STARD13: variants seen among roughly 807,000 people sequenced by gnomAD.
STARD13 encodes the protein StAR related lipid transfer domain containing 13.
STARD13 carries 62 observed loss-of-function variants against 106.4 expected under a neutral mutation model. That is an observed-to-expected ratio of 0.58 (90% CI 0.48 to 0.72). STARD13 has a LOEUF of 0.72. Ranked by LOEUF, STARD13 falls within the 30% of genes least tolerant of loss-of-function variation. The probability of loss-of-function intolerance (pLI) is 0.00; values close to 1 mark genes in which losing one functional copy is unlikely to be tolerated. For synonymous variants in STARD13, 565 were observed against 553.0 expected (o/e 1.02, Z -0.31); for missense variants, 1,387 against 1,424.0 (o/e 0.97, Z 0.42).
chr13:33,666,759 T>G, the STARD13 span, among the ~76,000 whole-genome samples: 3 of 151,958 alleles, frequency 2.0e-5, no homozygotes, highest in Non-Finnish European at 4.4e-5. Context: ...CCCGGCTAAT[T>G]TTTTGTATTT....
intron 3 of STARD13, chr13:33,158,534 A>C (rs1882245681): frequency 6.6e-6 from 1 of 152,226 alleles, no homozygotes; most frequent in African/African-American, 2.4e-5. Context: ...GCACTAGCTC[A>C]GCATTTCAAA....
the STARD13 span, among the ~76,000 whole-genome samples, chr13:33,609,136 T>C: frequency 6.8e-6 from 1 of 146,914 alleles, no homozygotes; most frequent in Non-Finnish European, 1.5e-5. Flanking sequence ...ACATTGAAAA[T>C]TAAATTTTAA....
chr13:33,453,381 C>A, the STARD13 span, among the ~76,000 whole-genome samples: 21 of 152,316 alleles, frequency 1.4e-4, no homozygotes, highest in South Asian at 4.3e-3. Flanking sequence ...GTTGGATGGT[C>A]TATTCCTTTC....
the STARD13 span, among the ~76,000 whole-genome samples, chr13:33,633,010 T>TG: frequency 6.6e-6 from 1 of 152,222 alleles, no homozygotes. Flanking sequence ...CAGGCTGTTA[T>TG]TTTTTATTTT....
chr13:33,541,147 C>A, the STARD13 span, among the ~76,000 whole-genome samples: 4 of 150,974 alleles, frequency 2.6e-5, no homozygotes, highest in Non-Finnish European at 5.9e-5. Flanking sequence ...TGGTTATATA[C>A]GATGTAGAGA....
At chr13:33,654,518 A>C in the STARD13 span, 3 of 152,258 alleles carry the variant, frequency 2.0e-5, no homozygotes, top group East Asian at 5.8e-4. Context: ...CTTGGGGATA[A>C]TGAAAATGCT....
intron 1 of STARD13, chr13:33,276,195 T>C (rs1261768569): frequency 2.6e-5 from 4 of 152,206 alleles, no homozygotes; most frequent in Non-Finnish European, 5.9e-5. Context: ...AGGAGGTCAG[T>C]AGACTTTCCT....
At chr13:33,590,689 G>A in the STARD13 span, among the ~76,000 whole-genome samples, 2 of 124,786 alleles carry the variant, frequency 1.6e-5, no homozygotes, top group African/African-American at 6.0e-5. Flanking sequence ...TCACACACTG[G>A]GGCCTGTCAT....
chr13:33,365,049 C>T, the STARD13 span, among the ~76,000 whole-genome samples: 12 of 151,782 alleles, frequency 7.9e-5, no homozygotes, highest in African/African-American at 2.9e-4. Flanking sequence ...GAGGTGACTG[C>T]AAGAGGTAAA....
chr13:33,397,087 C>G, the STARD13 span, among the ~76,000 whole-genome samples: 2 of 152,236 alleles, frequency 1.3e-5, no homozygotes, highest in East Asian at 3.9e-4. Flanking sequence ...CTCCTTGAGT[C>G]CATTGGGATT....
At chr13:33,492,128 G>A in the STARD13 span, among the ~76,000 whole-genome samples, 1 of 152,148 alleles carries the variant, frequency 6.6e-6, no homozygotes, top group African/African-American at 2.4e-5. Flanking sequence ...ACAAGGTAAT[G>A]TCATCAGTTA....
chr13:33,654,597 T>A, the STARD13 span: 2 of 152,308 alleles, frequency 1.3e-5, no homozygotes, highest in East Asian at 3.9e-4. Context: ...TTGTACACTT[T>A]AAAAGAGTGA....
chr13:33,430,476 G>A, the STARD13 span, among the ~76,000 whole-genome samples: 1 of 152,274 alleles, frequency 6.6e-6, no homozygotes, highest in East Asian at 1.9e-4. Flanking sequence ...TATAAGGTTG[G>A]TGGAAATGTA....
chr13:33,620,286 CTTT>C, the STARD13 span, among the ~76,000 whole-genome samples: 4 of 142,770 alleles, frequency 2.8e-5, no homozygotes, highest in Non-Finnish European at 3.1e-5. Flanking sequence ...TTTCTTTTTT[CTTT>C]TTTTTTTTTT....
the STARD13 span, among the ~76,000 whole-genome samples, chr13:33,480,874 T>A: frequency 6.6e-6 from 1 of 152,132 alleles, no homozygotes; most frequent in Non-Finnish European, 1.5e-5. Context: ...TGAAAGGTCT[T>A]ATCATATGTA....
At chr13:33,586,539 A>G in the STARD13 span, among the ~76,000 whole-genome samples, 1 of 152,204 alleles carries the variant, frequency 6.6e-6, no homozygotes, top group African/African-American at 2.4e-5. Flanking sequence ...CAATACTATT[A>G]CTTATGGCTG....
intron 1 of STARD13, among the ~76,000 whole-genome samples, chr13:33,303,696 A>C (rs913185723): frequency 6.6e-6 from 1 of 152,158 alleles, no homozygotes; most frequent in African/African-American, 2.4e-5. Context: ...CTGTATGTCA[A>C]AGACAATCAG....
chr13:33,207,750 T>C (rs552421708), intron 1 of STARD13, among the ~76,000 whole-genome samples: 35 of 152,230 alleles, frequency 2.3e-4, no homozygotes, highest in African/African-American at 8.4e-4. Context: ...GATTGTTGGG[T>C]CAATTCTTCC....
chr13:33,249,366 G>T (rs559837808), intron 1 of STARD13, among the ~76,000 whole-genome samples: 4 of 152,170 alleles, frequency 2.6e-5, no homozygotes, highest in Non-Finnish European at 5.9e-5. Flanking sequence ...TGTTTCTTCC[G>T]TCTGTAATGG....
Sources: allele counts gnomAD v4.1 joint callset (sites outside exome capture counted in the v4.1 genomes callset), GRCh38; gene constraint gnomAD v4.1.1; transcripts MANE v1.5; gene names NCBI Gene and HGNC (gene_info 2026-07-23, HGNC 2026-07-21).